The following DPYSL2 variants were observed in gnomAD, a reference collection of about 807,000 sequenced individuals.
DPYSL2 encodes the protein dihydropyrimidinase like 2.
A neutral mutation model predicts 69.9 loss-of-function variants in DPYSL2; 13 were observed. That is an observed-to-expected ratio of 0.19 (90% CI 0.12 to 0.30). The LOEUF (loss-of-function observed/expected upper bound fraction) is 0.30. DPYSL2 is among the 10% of genes least tolerant of loss of function. The pLI, the probability that DPYSL2 is intolerant of heterozygous loss-of-function variation, is 1.00. For missense variants in DPYSL2, 587 were observed against 918.9 expected (o/e 0.64, Z 4.67); for synonymous variants, 326 against 359.1 (o/e 0.91, Z 1.04).
intron 1 of DPYSL2, among the ~76,000 whole-genome samples, chr8:26,521,725 T>A (rs1308638023): frequency 6.6e-6 from 1 of 152,150 alleles, no homozygotes; most frequent in Non-Finnish European, 1.5e-5. Context: ...TTTTTTTTCC[T>A]GAGTGGATTT....
chr8:26,627,804 G>A lies in DPYSL2; in HGVS notation c.937-68G>A. On this transcript the variant is annotated intron_variant, in intron 6 of 13. Coordinates refer to ENST00000521913, the MANE Select transcript of DPYSL2 (RefSeq NM_001197293.3). The surrounding 1 kb of genome is among the most constrained non-coding windows in gnomAD (Gnocchi z 6.9). The stretch of plus-strand genomic sequence containing the variant: ...TCTTGCCCGGATAACTGCATGCCCG[G>A]GCCTCTGCCATCAGAGCTGTGCAAA... 6.6e-7 allele frequency: 1 copy of A among 1,507,270 alleles called. No homozygotes were observed. Among genetic ancestry groups the A allele is most frequent in the South Asian group, 1.2e-5 (1 of 85,992 alleles). 93.4% of individuals were successfully genotyped at this position (1,507,270 alleles called of 1,614,324 possible).
rs1201419561 is a variant in DPYSL2, at chr8:26,560,005, T to C, written c.355-21964T>C. ...ATCTCATTATGCTGAGCTGAAACAT[T>C]GCACAAAAGTCCTTCCTCCACTTTC... On this transcript the variant is annotated intron_variant, in intron 1 of 13. Transcript: ENST00000521913. The surrounding 1 kb of genome is among the most constrained non-coding windows in gnomAD (Gnocchi z 4.4). Among the ~76,000 whole-genome samples the C allele has an allele frequency of 2.6e-5, 4 of 152,230 alleles. No individual in the cohort carries two copies. The highest frequency in any genetic ancestry group is 5.9e-5 in the Non-Finnish European group (4 of 68,048).
rs557268877 is a variant in DPYSL2, at chr8:26,597,111, G to A, written c.628+13128G>A. Among the ~76,000 whole-genome samples the A allele has an allele frequency of 1.3e-5, 2 of 152,352 alleles. No individual in the cohort carries two copies. Among genetic ancestry groups the A allele is most frequent in the African/African-American group, 4.8e-5 (2 of 41,588 alleles). On this transcript the variant is annotated intron_variant, in intron 3 of 13. Transcript: ENST00000521913. This position sits in a 1 kb window ranked among gnomAD's most constrained non-coding sequence, Gnocchi z 5.2. ...GGAGGCTGCACCCAGCATGGAAGATGCTCACCAAGACGGTGGTATATTGGG... is the reference window on the plus strand; with the variant it reads ...GGAGGCTGCACCCAGCATGGAAGATACTCACCAAGACGGTGGTATATTGGG...
At position 26,565,777 on chromosome 8, in the gene DPYSL2, C is replaced by G. The variant is rs2129674605; in HGVS notation, c.355-16192C>G. 6.6e-6 allele frequency among the ~76,000 whole-genome samples: 1 copy of G among 152,238 alleles called. No homozygotes were observed. Among genetic ancestry groups the G allele is most frequent in the South Asian group, 2.1e-4 (1 of 4,826 alleles). ...GTGGGCAGAGAAAGGTACAGGGTCC[C>G]CGCTCCATGCAATTAACTGGAAAGT... On this transcript the variant is annotated intron_variant, in intron 1 of 13. Coordinates refer to ENST00000521913, the MANE Select transcript of DPYSL2 (RefSeq NM_001197293.3). The surrounding 1 kb of genome is among the most constrained non-coding windows in gnomAD (Gnocchi z 4.1).
At chr8:26,557,558 A>C (rs1801007699) in intron 1 of DPYSL2, among the ~76,000 whole-genome samples, 2 of 141,306 alleles carry the variant, frequency 1.4e-5, no homozygotes, top group South Asian at 4.7e-4. Flanking sequence ...TAGGTGGATC[A>C]TTTGAGGCCA....
At position 26,634,782 on chromosome 8, in the gene DPYSL2, C is replaced by A; in HGVS notation, c.1008C>A (p.Val336=). 6.2e-7 allele frequency: 1 copy of A among 1,614,076 alleles called. No individual in the cohort carries two copies. Among genetic ancestry groups the A allele is most frequent in the South Asian group, 1.1e-5 (1 of 91,066 alleles). The change falls in exon 8 of 14, where the codon GTC becomes GTA. Residue 336 remains valine (V), a splice_region_variant and synonymous_variant. Coordinates refer to ENST00000521913, the MANE Select transcript of DPYSL2 (RefSeq NM_001197293.3). ...CATGCTCTGCTGCTGTTTTGCAGGT[C>A]GAGGCCGAAGCCGTGAATCGTGCCA... is the stretch of plus-strand genomic sequence containing the variant. ...EGHVLSRPEE[V]EAEAVNRAIT... is the part of the protein sequence containing the mutation.
intron 7 of DPYSL2, among the ~76,000 whole-genome samples, chr8:26,630,904 C>T (rs115653022): frequency 1.6e-3 from 249 of 152,296 alleles, no homozygotes; most frequent in African/African-American, 5.8e-3. Context: ...GCTTTCCTCC[C>T]GTTTGGTGAC....
chr8:26,570,000 T>C (rs1015811646), intron 1 of DPYSL2, among the ~76,000 whole-genome samples: 7 of 152,054 alleles, frequency 4.6e-5, no homozygotes, highest in Admixed American at 4.6e-4. Context: ...GAGACCAACA[T>C]GGGTAACATA....
chr8:26,522,472 A>G (rs1300202538), intron 1 of DPYSL2, among the ~76,000 whole-genome samples: 1 of 152,244 alleles, frequency 6.6e-6, no homozygotes, highest in African/African-American at 2.4e-5. Flanking sequence ...CACCAGCAAC[A>G]TTTGAAGGTT....
rs149322443 is a variant in DPYSL2 at position 26,596,814 on chromosome 8, C to T, written c.628+12831C>T. Among the ~76,000 whole-genome samples the T allele has an allele frequency of 4.7e-3, 719 of 152,268 alleles. 5 individuals carry two copies. The highest frequency in any genetic ancestry group is 0.015 in the African/African-American group (634 of 41,538). On this transcript the variant is annotated intron_variant, in intron 3 of 13. Transcript: ENST00000521913. ...AATGGCCCTTGCATATCCTAGAATG[C>T]GAGAGGAACGTTTGTTTTGTAGCAG...
In DPYSL2 at chr8:26,655,733, G is replaced by A. The variant is rs775526713; in HGVS notation, c.*27G>A. On this transcript the variant is annotated 3_prime_UTR_variant, in exon 14 of 14. Coordinates refer to ENST00000521913, the MANE Select transcript of DPYSL2 (RefSeq NM_001197293.3). ...GCTCCTGGGCTGTGCCGTCCACTGG[G>A]GACTGGGGATGGGACACCTGAGGAC... The A allele has an allele frequency of 5.1e-6, 8 of 1,560,006 alleles. No individual in the cohort carries two copies. The highest frequency in any genetic ancestry group is 5.2e-6 in the Non-Finnish European group (6 of 1,149,188).
chr8:26,537,875 A>G (rs1464501921), intron 1 of DPYSL2, among the ~76,000 whole-genome samples: 8 of 152,158 alleles, frequency 5.3e-5, no homozygotes, highest in Non-Finnish European at 1.5e-5. Context: ...CAGGATTATC[A>G]TTTACTTGTC....
chr8:26,548,038 A>G, intron 1 of DPYSL2: 1 of 258,850 alleles, frequency 3.9e-6, no homozygotes, highest in African/African-American at 2.2e-5. Context: ...CTCAAAGAGA[A>G]ATGCATTCTG....
intron 1 of DPYSL2, among the ~76,000 whole-genome samples, chr8:26,544,606 A>G (rs6981241): frequency 0.1 from 15,553 of 152,258 alleles, 880 homozygotes; most frequent in Non-Finnish European, 0.12. Flanking sequence ...GTTCTGGTCT[A>G]GAATCCTCCA....
intron 3 of DPYSL2, among the ~76,000 whole-genome samples, chr8:26,618,882 C>A (rs967214977): frequency 1.3e-5 from 2 of 151,852 alleles, no homozygotes; most frequent in Admixed American, 6.6e-5. Context: ...TGCTCGAACC[C>A]AGGAGGCGGA....
intron 1 of DPYSL2, chr8:26,577,391 G>C (rs1158498202): frequency 6.3e-6 from 1 of 158,608 alleles, no homozygotes; most frequent in Non-Finnish European, 1.4e-5. Context: ...CAGCAACGGC[G>C]GGGGAGGAGG....
At chr8:26,622,547 G>C (rs911007588) in intron 3 of DPYSL2, among the ~76,000 whole-genome samples, 1 of 151,110 alleles carries the variant, frequency 6.6e-6, no homozygotes, top group African/African-American at 2.4e-5. Flanking sequence ...CTGTTGCCCT[G>C]GCTGGAGTGC....
At chr8:26,536,699 G>C (rs960996776) in intron 1 of DPYSL2, among the ~76,000 whole-genome samples, 2 of 147,152 alleles carry the variant, frequency 1.4e-5, no homozygotes, top group Non-Finnish European at 3.0e-5. Flanking sequence ...AAACAAAACA[G>C]TAAATTATTA....
At chr8:26,546,099 A>C (rs1800763130) in intron 1 of DPYSL2, among the ~76,000 whole-genome samples, 1 of 152,228 alleles carries the variant, frequency 6.6e-6, no homozygotes, top group South Asian at 2.1e-4. Flanking sequence ...ACATCTTGAC[A>C]ATATTGTCTT....
Sources: allele counts gnomAD v4.1 joint callset (sites outside exome capture counted in the v4.1 genomes callset), GRCh38; gene constraint gnomAD v4.1.1; non-coding constraint Gnocchi (gnomAD v3.1); transcripts MANE v1.5; gene names NCBI Gene and HGNC (gene_info 2026-07-23, HGNC 2026-07-21).